MEP1A: variants seen among roughly 807,000 people sequenced by gnomAD.
MEP1A encodes N-benzoyl-L-tyrosyl-P-amino-benzoic acid hydrolase subunit alpha.
MEP1A carries 68 observed loss-of-function variants against 84.5 expected under a neutral mutation model. The observed-to-expected ratio is 0.80, with a 90% CI of 0.66 to 0.98. MEP1A has a LOEUF of 0.98. Ranked by LOEUF, MEP1A falls within the 50% of genes least tolerant of loss-of-function variation. The pLI, the probability that MEP1A is intolerant of heterozygous loss-of-function variation, is 0.00. For missense variants in MEP1A, 887 were observed against 919.9 expected (o/e 0.96, Z 0.46); for synonymous variants, 337 against 336.8 (o/e 1.00, Z -0.01).
At chr6:46,824,879 T>C (rs1767883606) in intron 7 of MEP1A, among the ~76,000 whole-genome samples, 1 of 110,848 alleles carries the variant, frequency 9.0e-6, no homozygotes, top group Non-Finnish European at 1.6e-5. Flanking sequence ...TAGATCTATT[T>C]AAATATATAT....
chr6:46,821,428 G>T (rs1423862168), intron 7 of MEP1A, among the ~76,000 whole-genome samples: 1 of 152,138 alleles, frequency 6.6e-6, no homozygotes, highest in African/African-American at 2.4e-5. Flanking sequence ...TAATAACTCA[G>T]ACTTCATGTA....
downstream of MEP1A, chr6:46,839,931 G>A (rs1482687954): frequency 6.6e-6 from 1 of 151,432 alleles, no homozygotes; most frequent in Non-Finnish European, 1.5e-5. Flanking sequence ...CAAACTGAAG[G>A]TATCAGAGAA....
At chr6:46,824,428 ATAT>A (rs747641724) in intron 7 of MEP1A, among the ~76,000 whole-genome samples, 3 of 146,560 alleles carry the variant, frequency 2.0e-5, no homozygotes, top group African/African-American at 7.4e-5. Flanking sequence ...ATATTAACTA[ATAT>A]TAATAATGAT....
At chr6:46,845,937 G>A in the MEP1A span, among the ~76,000 whole-genome samples, 1 of 152,294 alleles carries the variant, frequency 6.6e-6, no homozygotes, top group Non-Finnish European at 1.5e-5. Flanking sequence ...GTAAAGAAAA[G>A]AAATAATGAA....
chr6:46,825,631 T>C (rs1767924089), intron 8 of MEP1A, 138 bp downstream of exon 8: 2 of 672,680 alleles, frequency 3.0e-6, no homozygotes, highest in Non-Finnish European at 5.0e-6. Context: ...GCGTAACTTT[T>C]GTTGGTCTAC....
intron 5 of MEP1A, among the ~76,000 whole-genome samples, chr6:46,808,617 A>G (rs1313554105): frequency 6.6e-6 from 1 of 152,022 alleles, no homozygotes; most frequent in Non-Finnish European, 1.5e-5. Context: ...TTTCTTTTCT[A>G]CCCCATCTTT....
At chr6:46,793,620 T>C in intron 2 of MEP1A, 44 bp downstream of exon 2, 1 of 1,580,756 alleles carries the variant, frequency 6.3e-7, no homozygotes. Context: ...TTGAACTTTT[T>C]TCCTTCGGCA....
chr6:46,842,371 C>G (rs1227333241), downstream of MEP1A, among the ~76,000 whole-genome samples: 1 of 152,094 alleles, frequency 6.6e-6, no homozygotes, highest in East Asian at 1.9e-4. Flanking sequence ...GGAGAGATAT[C>G]GCTGAATTCT....
chr6:46,793,838 G>A (rs867846583), intron 3 of MEP1A, 122 bp downstream of exon 3: 2 of 719,352 alleles, frequency 2.8e-6, no homozygotes, highest in African/African-American at 3.7e-5. Context: ...ATTTTTTGGT[G>A]CTTTGTGAGA....
At chr6:46,804,088 T>C (rs921610316) in intron 5 of MEP1A, among the ~76,000 whole-genome samples, 3 of 151,666 alleles carry the variant, frequency 2.0e-5, no homozygotes, top group African/African-American at 7.2e-5. Context: ...CGTATTTACT[T>C]TTACACTTGA....
intron 5 of MEP1A, among the ~76,000 whole-genome samples, chr6:46,802,485 G>A (rs1344001100): frequency 2.0e-5 from 3 of 151,506 alleles, no homozygotes; most frequent in African/African-American, 7.3e-5. Flanking sequence ...GATTTTTTTA[G>A]GACTTTTAGT....
chr6:46,799,221 C>A, intron 5 of MEP1A, 40 bp downstream of exon 5: 1 of 1,322,658 alleles, frequency 7.6e-7, no homozygotes, highest in Admixed American at 1.7e-5. Flanking sequence ...TTCAGTTTAA[C>A]TCTCTCTCTC....
intron 10 of MEP1A, among the ~76,000 whole-genome samples, chr6:46,830,267 A>G (rs1301730166): frequency 6.6e-6 from 1 of 151,104 alleles, no homozygotes; most frequent in Non-Finnish European, 1.5e-5. Flanking sequence ...AAAAAAAAAA[A>G]AAAAAAAAAA....
chr6:46,824,895 ATATATATAAATTATATATTTAAATAGAT>A (rs1284161365), intron 7 of MEP1A, among the ~76,000 whole-genome samples: 6 of 74,276 alleles, frequency 8.1e-5, no homozygotes, highest in African/African-American at 5.6e-4. Flanking sequence ...TATATAAATT[ATATATATAAATTATATATTTAAATAGAT>A]CTATTTAAAT....
At chr6:46,836,179 A>T (rs555211598) in intron 13 of MEP1A, among the ~76,000 whole-genome samples, 2 of 152,292 alleles carry the variant, frequency 1.3e-5, no homozygotes, top group African/African-American at 4.8e-5. Context: ...TTTATCTAAA[A>T]TGTACCCAGA....
Position 46,819,682 on chromosome 6 carries a change from C to A in MEP1A, c.534C>A (p.Ile178=), listed in dbSNP as rs759942269. Residue 178 remains isoleucine (I), a synonymous_variant, in exon 7 of 14, where the codon ATC becomes ATA. Coordinates refer to ENST00000230588, the MANE Select transcript of MEP1A (RefSeq NM_005588.3). ...CGGACCGGGATGATTATGTGAACAT[C>A]TGGTGGGACCAAATTCTTTCAGGTG... is the stretch of plus-strand genomic sequence containing the variant. The part of the protein sequence containing the change: ...SRTDRDDYVN[I]WWDQILSGYQ... The A allele has an allele frequency of 1.3e-5, 21 of 1,613,688 alleles. No individual in the cohort carries two copies. The highest frequency in any genetic ancestry group is 1.8e-5 in the Non-Finnish European group (21 of 1,179,874).
At position 46,805,670 on chromosome 6, in the gene MEP1A, T is replaced by A. The variant is rs185038008; in HGVS notation, c.263-3750T>A. The stretch of plus-strand genomic sequence containing the variant: ...TTATTGTTCTCCTGTATGTAATGTC[T>A]TTTTTCTCTAGTTGTTTTCAATACG... On this transcript the variant is annotated intron_variant, in intron 5 of 13. Transcript: ENST00000230588. Among the ~76,000 whole-genome samples the A allele has an allele frequency of 1.5e-3, 222 of 152,118 alleles. 1 individual carries two copies. The highest frequency in any genetic ancestry group is 5.1e-3 in the African/African-American group (212 of 41,566).
chr6:46,823,735 A>G (rs1767836658), intron 7 of MEP1A, among the ~76,000 whole-genome samples: 1 of 152,216 alleles, frequency 6.6e-6, no homozygotes, highest in Non-Finnish European at 1.5e-5. Context: ...CTATCACTCC[A>G]CAAGAAGAAA....
Position 46,807,840 on chromosome 6 carries a change from G to GAAAGA in MEP1A, c.263-1578_263-1577insAGAAA, listed in dbSNP as rs1562107182. Among the ~76,000 whole-genome samples, 649 of 107,832 alleles carry GAAAGA rather than the reference G, an allele frequency of 6.0e-3. 29 individuals are homozygous for GAAAGA. Among genetic ancestry groups the GAAAGA allele is most frequent in the Middle Eastern group, 0.017 (4 of 234 alleles). 70.7% of individuals were successfully genotyped at this position (107,832 alleles called of 152,430 possible). On this transcript the variant is annotated intron_variant, in intron 5 of 13. Transcript: ENST00000230588. ...GAAAGAAAGAAAGAAAGAAAGAAAG[G>GAAAGA]AAGAAAGGAAATAAATCAGTCAAAT...
Sources: gnomAD v4.1 joint callset for allele counts (sites outside exome capture counted in the v4.1 genomes callset) on GRCh38, gnomAD v4.1.1 for gene constraint, MANE v1.5 for transcripts, NCBI Gene and HGNC (gene_info 2026-07-23, HGNC 2026-07-21) for gene names.